E4F1: variants seen among roughly 807,000 people sequenced by gnomAD.
E4F1 encodes E4F transcription factor 1.
A neutral mutation model predicts 72.9 loss-of-function variants in E4F1; 30 were observed. That is an observed-to-expected ratio of 0.41 (90% CI 0.31 to 0.56). E4F1 has a LOEUF of 0.56. Ranked by LOEUF, E4F1 falls within the 20% of genes least tolerant of loss-of-function variation. The pLI, the probability that E4F1 is intolerant of heterozygous loss-of-function variation, is 0.25. For missense variants in E4F1, 1,091 were observed against 1,117.5 expected (o/e 0.98, Z 0.34); for synonymous variants, 542 against 478.2 (o/e 1.13, Z -1.74).
chr16:2,231,607 C>G (rs1037692536), intron 3 of E4F1: 4 of 154,252 alleles, frequency 2.6e-5, no homozygotes, highest in African/African-American at 9.6e-5. Flanking sequence ...TCCAGAAGTG[C>G]AAAAGCCCAG....
intron 1 of E4F1, among the ~76,000 whole-genome samples, chr16:2,225,067 G>A (rs1411312091): frequency 1.3e-5 from 2 of 151,910 alleles, no homozygotes; most frequent in African/African-American, 4.8e-5. Flanking sequence ...ACAAAAATTA[G>A]CTGGGCGTGG....
Position 2,234,968 on chromosome 16 carries a change from C to A in E4F1, c.1902C>A (p.Ser634=). Reference sequence around the variant, plus strand: ...ACACAGTGTTGGTGGAGTTCTCGTCCGTGGTAGCTGACACCCAGGAGTATA... The same window carrying A: ...ACACAGTGTTGGTGGAGTTCTCGTCAGTGGTAGCTGACACCCAGGAGTATA... ...DPHTVLVEFS[S]VVADTQEYII... is the part of the protein sequence containing the mutation. Residue 634 remains serine (S), a synonymous_variant, in exon 12 of 14, where the codon TCC becomes TCA. Coordinates refer to ENST00000301727, the MANE Select transcript of E4F1 (RefSeq NM_004424.5). 1 of 1,602,958 alleles carries A rather than the reference C, an allele frequency of 6.2e-7. No homozygotes were observed.
intron 2 of E4F1, 152 bp downstream of exon 2, chr16:2,228,675 G>T (rs960747432): frequency 9.6e-7 from 1 of 1,039,738 alleles, no homozygotes; most frequent in Non-Finnish European, 1.4e-6. Flanking sequence ...GAGGGTCCGG[G>T]TGTGTGAGCC....
chr16:2,229,044 C>T (rs1438105461), intron 2 of E4F1, among the ~76,000 whole-genome samples: 1 of 152,242 alleles, frequency 6.6e-6, no homozygotes, highest in African/African-American at 2.4e-5. Context: ...AGAGCAGGCT[C>T]AGAAAGTGGT....
intron 1 of E4F1, 81 bp downstream of exon 1, chr16:2,223,851 G>C (rs1371511979): frequency 6.5e-7 from 1 of 1,530,922 alleles, no homozygotes; most frequent in African/African-American, 1.4e-5. Context: ...GGCCCGAGCT[G>C]CGGGCTCGAC....
Position 2,233,545 on chromosome 16 carries a change from G to A in E4F1, c.1164G>A (p.Glu388=). Reference sequence around the variant, plus strand: ...TCGTCCTTGAGCGCGCTGCTGGGGAGGAGGGTGCCCTGGAGCCAGCTCCTG... The same window carrying A: ...TCGTCCTTGAGCGCGCTGCTGGGGAAGAGGGTGCCCTGGAGCCAGCTCCTG... ...SGIVLERAAG[E]EGALEPAPAA... is the part of the protein sequence containing the mutation. Residue 388 remains glutamate (E), a synonymous_variant, in exon 8 of 14, where the codon GAG becomes GAA. Coordinates refer to ENST00000301727, the MANE Select transcript of E4F1 (RefSeq NM_004424.5). 1 of 1,521,866 alleles carries A rather than the reference G, an allele frequency of 6.6e-7. No homozygotes were observed. Among genetic ancestry groups the A allele is most frequent in the Non-Finnish European group, 8.8e-7 (1 of 1,134,406 alleles). 94.3% of individuals were successfully genotyped at this position (1,521,866 alleles called of 1,614,324 possible). A position where few individuals can be genotyped will look rare whatever the true frequency, so the allele number is the denominator to read the frequency against.
In E4F1 at chr16:2,232,247, C is replaced by A. The variant is rs1039633956; in HGVS notation, c.492C>A (p.Gly164=). The A allele has an allele frequency of 6.8e-6, 11 of 1,612,482 alleles. No homozygotes were observed. The highest frequency in any genetic ancestry group is 9.3e-6 in the Non-Finnish European group (11 of 1,179,750). The part of the protein sequence containing the change: ...LGDGEMAEAP[G]SPRQQGLGLA... Reference sequence around the variant, plus strand: ...ACGGTGAGATGGCCGAGGCCCCGGGCAGCCCCCGCCAGCAGGGGCTGGGGC... The same window carrying A: ...ACGGTGAGATGGCCGAGGCCCCGGGAAGCCCCCGCCAGCAGGGGCTGGGGC... Residue 164 remains glycine (G), a synonymous_variant, in exon 4 of 14, where the codon GGC becomes GGA. Coordinates refer to ENST00000301727, the MANE Select transcript of E4F1 (RefSeq NM_004424.5).
In E4F1 at chr16:2,228,486, C is replaced by G. The variant is rs754623104; in HGVS notation, c.272C>G (p.Pro91Arg). 1.6e-4 allele frequency: 250 copies of G among 1,612,468 alleles called. No individual in the cohort carries two copies. Among genetic ancestry groups the G allele is most frequent in the Non-Finnish European group, 2.0e-4 (238 of 1,179,732 alleles). ...CAGCGGGCCCCTCCGGAGGCCCTGC[C>G]TGCCACCCCTGCCACCACAGCGTTG... Reference protein sequence around the residue: ...ACQRAPPEALPATPATTALLG... With the variant: ...ACQRAPPEALRATPATTALLG... The change falls in exon 2 of 14, where the codon CCT becomes CGT. Residue 91 changes from proline (P) to arginine (R), a missense_variant. Transcript: ENST00000301727.
chr16:2,229,451 G>A, intron 2 of E4F1, 119 bp from the exon 3 acceptor site: 1 of 1,063,500 alleles, frequency 9.4e-7, no homozygotes, highest in South Asian at 1.4e-5. Context: ...CGTGGACCCA[G>A]GCCTGAGCAC....
Sources: allele counts gnomAD v4.1 joint callset (sites outside exome capture counted in the v4.1 genomes callset), GRCh38; gene constraint gnomAD v4.1.1; transcripts MANE v1.5; gene names NCBI Gene and HGNC (gene_info 2026-07-23, HGNC 2026-07-21).